Variants in PCDH9 observed in about 807,000 individuals in gnomAD.
PCDH9 encodes protocadherin-9.
A neutral mutation model predicts 70.6 loss-of-function variants in PCDH9; 24 were observed. That is an observed-to-expected ratio of 0.34 (90% confidence interval 0.25 to 0.48). The LOEUF (loss-of-function observed/expected upper bound fraction) is 0.48, where lower values mean the gene tolerates loss of function less well. Among genes scored for constraint, PCDH9 ranks in the 20% least tolerant of loss-of-function variants. PCDH9 has a pLI of 0.99. For synonymous variants in PCDH9, 562 were observed against 558.5 expected (o/e 1.01, Z -0.09); for missense variants, 1,281 against 1,503.6 (o/e 0.85, Z 2.45).
intron 2 of PCDH9, among the ~76,000 whole-genome samples, chr13:67,017,389 C>T (rs1235670554): frequency 2.0e-5 from 3 of 152,170 alleles, no homozygotes; most frequent in African/African-American, 4.8e-5. Flanking sequence ...CTAAATAAAT[C>T]TCACTCTCTA....
chr13:67,193,437 AT>A (rs1053406165), intron 2 of PCDH9, among the ~76,000 whole-genome samples: 7 of 151,604 alleles, frequency 4.6e-5, no homozygotes, highest in East Asian at 3.9e-4. Context: ...TCTTTTATCT[AT>A]TTTTTTTCTC....
intron 4 of PCDH9, among the ~76,000 whole-genome samples, chr13:66,521,219 T>A (rs1350535726): frequency 6.6e-6 from 1 of 152,154 alleles, no homozygotes; most frequent in Admixed American, 6.6e-5. Flanking sequence ...TTACACTAAC[T>A]GTGATAAAAT....
At chr13:66,802,741 G>A (rs1385680109) in intron 3 of PCDH9, among the ~76,000 whole-genome samples, 1 of 151,962 alleles carries the variant, frequency 6.6e-6, no homozygotes, top group Admixed American at 6.6e-5. Flanking sequence ...CAGAACAACT[G>A]AGAATAACAA....
At chr13:66,355,357 G>A (rs1956364631) in intron 4 of PCDH9, among the ~76,000 whole-genome samples, 1 of 152,002 alleles carries the variant, frequency 6.6e-6, no homozygotes, top group African/African-American at 2.4e-5. Flanking sequence ...GTTTCCAGCT[G>A]ACTTCCAACA....
chr13:66,579,195 A>G (rs1264441040), intron 4 of PCDH9, among the ~76,000 whole-genome samples: 2 of 152,086 alleles, frequency 1.3e-5, no homozygotes, highest in Non-Finnish European at 2.9e-5. Flanking sequence ...CTTTCTCCTA[A>G]AATTGATGTT....
chr13:66,681,971 G>A (rs1033631396), intron 3 of PCDH9, among the ~76,000 whole-genome samples: 2 of 56,810 alleles, frequency 3.5e-5, no homozygotes, highest in African/African-American at 1.8e-4. Flanking sequence ...ATATATATTT[G>A]AGAGATTTTG....
At chr13:66,930,656 AG>A (rs1566300497) in intron 2 of PCDH9, among the ~76,000 whole-genome samples, 1 of 152,024 alleles carries the variant, frequency 6.6e-6, no homozygotes, top group Non-Finnish European at 1.5e-5. Context: ...TTTGGAGGGG[AG>A]GGAAGAAGGT....
chr13:66,548,169 T>TTCAA (rs879441286), intron 4 of PCDH9, among the ~76,000 whole-genome samples: 1 of 151,994 alleles, frequency 6.6e-6, no homozygotes, highest in Non-Finnish European at 1.5e-5. Flanking sequence ...AATTTTGCAA[T>TTCAA]ATTAGAGCCT....
At chr13:66,546,114 A>C (rs759193025) in intron 4 of PCDH9, among the ~76,000 whole-genome samples, 22 of 151,900 alleles carry the variant, frequency 1.4e-4, no homozygotes, top group Admixed American at 2.6e-4. Context: ...CTGGGATTAC[A>C]GGCATGAGCC....
intron 2 of PCDH9, among the ~76,000 whole-genome samples, chr13:66,940,661 C>T (rs1291154782): frequency 6.6e-6 from 1 of 151,494 alleles, no homozygotes; most frequent in Non-Finnish European, 1.5e-5. Flanking sequence ...CTGTAGACAT[C>T]CAAAATAAGT....
chr13:66,852,148 T>C (rs1416102797), intron 3 of PCDH9, among the ~76,000 whole-genome samples: 1 of 152,104 alleles, frequency 6.6e-6, no homozygotes, highest in Non-Finnish European at 1.5e-5. Flanking sequence ...AACATATCAT[T>C]CTACAAGGTA....
intron 4 of PCDH9, among the ~76,000 whole-genome samples, chr13:66,431,939 G>A (rs1036671283): frequency 7.9e-5 from 12 of 151,974 alleles, no homozygotes; most frequent in African/African-American, 2.9e-4. Context: ...TTCTAACATT[G>A]TTGGTTTTGA....
chr13:67,203,019 T>C lies in PCDH9; in HGVS notation c.3036+22386A>G, dbSNP rs149667638. On this transcript the variant is annotated intron_variant, in intron 2 of 4. Coordinates refer to ENST00000377865, the MANE Select transcript of PCDH9 (RefSeq NM_203487.3). ...GAAGCAAATCTCTAGGTTGTTTTGA[T>C]ACAGGGTTTTAAGACCTTGATGGTA... 1.6e-4 allele frequency: 25 copies of C among 152,234 alleles called. No homozygotes were observed. In the East Asian group the frequency reaches 4.8e-3, roughly 29 times the overall value. 9.4% of individuals were successfully genotyped at this position (152,234 alleles called of 1,614,324 possible).
intron 3 of PCDH9, among the ~76,000 whole-genome samples, chr13:66,793,709 G>A (rs141484487): frequency 2.6e-5 from 4 of 152,094 alleles, no homozygotes; most frequent in Admixed American, 6.6e-5. Context: ...ATAAGGCATT[G>A]ACTAGTAGAA....
chr13:66,399,087 CT>C (rs950619185), intron 4 of PCDH9, among the ~76,000 whole-genome samples: 10 of 151,914 alleles, frequency 6.6e-5, no homozygotes, highest in Admixed American at 1.3e-4. Flanking sequence ...CTTGCTTTTT[CT>C]TTTTTTTATT....
intron 2 of PCDH9, among the ~76,000 whole-genome samples, chr13:67,000,556 A>G (rs1220811114): frequency 2.6e-5 from 4 of 151,992 alleles, no homozygotes; most frequent in Non-Finnish European, 5.9e-5. Flanking sequence ...ATAAAGTTGG[A>G]GGATACAAAA....
intron 2 of PCDH9, among the ~76,000 whole-genome samples, chr13:67,033,087 A>G (rs867880293): frequency 2.0e-5 from 3 of 151,840 alleles, no homozygotes; most frequent in Non-Finnish European, 2.9e-5. Context: ...TTCTCTTGCT[A>G]TTCTTTCTAC....
At chr13:66,895,032 T>G (rs1157816235) in intron 3 of PCDH9, among the ~76,000 whole-genome samples, 4 of 152,060 alleles carry the variant, frequency 2.6e-5, no homozygotes, top group African/African-American at 9.7e-5. Flanking sequence ...GGTCTCAAAC[T>G]CCTGACCTCA....
intron 3 of PCDH9, among the ~76,000 whole-genome samples, chr13:66,697,730 A>G (rs1273214266): frequency 6.6e-6 from 1 of 152,176 alleles, no homozygotes; most frequent in Non-Finnish European, 1.5e-5. Context: ...TCTTCAAAAG[A>G]CTAAACATGG....
Sources: gnomAD v4.1 joint callset for allele counts (sites outside exome capture counted in the v4.1 genomes callset) on GRCh38, gnomAD v4.1.1 for gene constraint, MANE v1.5 for transcripts, NCBI Gene and HGNC (gene_info 2026-07-23, HGNC 2026-07-21) for gene names.